Variants in MACROD2 observed in about 807,000 individuals in gnomAD.
MACROD2 encodes the protein ADP-ribose glycohydrolase MACROD2.
A neutral mutation model predicts 70.4 loss-of-function variants in MACROD2; 36 were observed. That is an observed-to-expected ratio of 0.51 (90% CI 0.39 to 0.68). The LOEUF (loss-of-function observed/expected upper bound fraction) is 0.68. Among genes scored for constraint, MACROD2 ranks in the 30% least tolerant of loss-of-function variants. The pLI is 0.00. For synonymous variants in MACROD2, 172 were observed against 178.8 expected (o/e 0.96, Z 0.30); for missense variants, 496 against 538.4 (o/e 0.92, Z 0.78).
chr20:14,409,330 A>G (rs2083724665), intron 3 of MACROD2, among the ~76,000 whole-genome samples: 1 of 151,842 alleles, frequency 6.6e-6, no homozygotes, highest in Non-Finnish European at 1.5e-5. Flanking sequence ...GTACTTCTCA[A>G]TGCTCAGTAA....
At chr20:14,677,933 G>T (rs1456794960) in intron 4 of MACROD2, among the ~76,000 whole-genome samples, 3 of 152,256 alleles carry the variant, frequency 2.0e-5, no homozygotes, top group African/African-American at 7.2e-5. Flanking sequence ...CAGTGATCCA[G>T]TGGAACAAAA....
intron 5 of MACROD2, among the ~76,000 whole-genome samples, chr20:15,035,882 CT>C (rs1015037029): frequency 6.6e-6 from 1 of 151,406 alleles, no homozygotes; most frequent in African/African-American, 2.4e-5. Flanking sequence ...CCTGCTCCCC[CT>C]TTTTTTTTCC....
At chr20:15,936,903 C>G (rs1972407570) in intron 11 of MACROD2, among the ~76,000 whole-genome samples, 2 of 151,984 alleles carry the variant, frequency 1.3e-5, no homozygotes, top group African/African-American at 4.8e-5. Flanking sequence ...AGTTCCATGT[C>G]CTTAGTCCCC....
chr20:14,762,249 C>T (rs2072025306), intron 5 of MACROD2, among the ~76,000 whole-genome samples: 1 of 152,072 alleles, frequency 6.6e-6, no homozygotes, highest in Non-Finnish European at 1.5e-5. Context: ...CGTCATGTAG[C>T]ATATTAGGGA....
At chr20:15,346,490 G>A (rs1401116617) in intron 6 of MACROD2, among the ~76,000 whole-genome samples, 2 of 152,120 alleles carry the variant, frequency 1.3e-5, no homozygotes, top group African/African-American at 2.4e-5. Flanking sequence ...ACATATTGTT[G>A]AGTCCAGTGA....
intron 7 of MACROD2, among the ~76,000 whole-genome samples, chr20:15,451,055 T>C (rs961763730): frequency 7.2e-5 from 11 of 152,142 alleles, no homozygotes; most frequent in African/African-American, 2.7e-4. Flanking sequence ...AGGTCGTATC[T>C]TCTAGGAGGG....
chr20:14,518,328 A>G (rs1228112804), intron 4 of MACROD2, among the ~76,000 whole-genome samples: 2 of 152,172 alleles, frequency 1.3e-5, no homozygotes, highest in Non-Finnish European at 2.9e-5. Context: ...TAAATTGGAA[A>G]CAAAGACTGT....
chr20:14,672,899 A>G (rs2070811813), intron 4 of MACROD2, among the ~76,000 whole-genome samples: 1 of 152,200 alleles, frequency 6.6e-6, no homozygotes, highest in Non-Finnish European at 1.5e-5. Flanking sequence ...ATAAACTTGA[A>G]CTTCATTCTT....
chr20:15,766,936 C>T (rs2051537419), intron 8 of MACROD2, among the ~76,000 whole-genome samples: 1 of 152,148 alleles, frequency 6.6e-6, no homozygotes, highest in African/African-American at 2.4e-5. Flanking sequence ...GGGCGAGCCC[C>T]CTTGCACAAC....
chr20:15,067,734 A>T (rs1334542502), intron 5 of MACROD2, among the ~76,000 whole-genome samples: 1 of 152,134 alleles, frequency 6.6e-6, no homozygotes, highest in Non-Finnish European at 1.5e-5. Context: ...ATGTAGATAT[A>T]TTGATTTATC....
intron 5 of MACROD2, among the ~76,000 whole-genome samples, chr20:15,133,723 G>C (rs757561008): frequency 2.0e-5 from 3 of 151,918 alleles, no homozygotes; most frequent in Non-Finnish European, 4.4e-5. Context: ...GTTCATTCCA[G>C]CTTTATTTAT....
chr20:15,266,897 C>T lies in MACROD2; in HGVS notation c.540+36836C>T, dbSNP rs1035943719. On this transcript the variant is annotated intron_variant, in intron 6 of 17. Transcript: ENST00000684519. ...GCAAGACATTCATCCAGACGCCCTT[C>T]GCACAAGCCTGTATTCTAGAGGGCA... 5.9e-5 allele frequency among the ~76,000 whole-genome samples: 9 copies of T among 152,334 alleles called. No homozygotes were observed. In the South Asian group the frequency reaches 6.2e-4, roughly 11 times the overall value.
chr20:15,526,876 G>A (rs568130193), intron 8 of MACROD2, among the ~76,000 whole-genome samples: 3 of 152,242 alleles, frequency 2.0e-5, no homozygotes, highest in South Asian at 2.1e-4. Flanking sequence ...GTCAATGAAA[G>A]ATGTGCAGTC....
At position 15,256,735 on chromosome 20, in the gene MACROD2, C is replaced by T. The variant is rs1183496937; in HGVS notation, c.540+26674C>T. The stretch of plus-strand genomic sequence containing the variant: ...AACAAAGTTTCTGAAGTCTCATTAA[C>T]CACGGAATTTTTAGTGAAATGGCAT... On this transcript the variant is annotated intron_variant, in intron 6 of 17. Transcript: ENST00000684519. Among the ~76,000 whole-genome samples the T allele has an allele frequency of 2.6e-5, 4 of 151,920 alleles. 1 individual carries two copies. Among genetic ancestry groups the T allele is most frequent in the Admixed American group, 2.6e-4 (4 of 15,244 alleles).
intron 10 of MACROD2, among the ~76,000 whole-genome samples, chr20:15,931,919 C>A (rs1429112848): frequency 1.3e-5 from 2 of 152,122 alleles, no homozygotes; most frequent in African/African-American, 4.8e-5. Context: ...TTTGTTTCAG[C>A]TCTGCTACTA....
intron 5 of MACROD2, among the ~76,000 whole-genome samples, chr20:15,075,784 C>T (rs2075652687): frequency 6.6e-6 from 1 of 152,038 alleles, no homozygotes; most frequent in Admixed American, 6.6e-5. Flanking sequence ...GGCTTAGACT[C>T]GTCATGGCAG....
intron 4 of MACROD2, among the ~76,000 whole-genome samples, chr20:14,562,397 A>G (rs1979494528): frequency 2.0e-5 from 3 of 152,060 alleles, no homozygotes; most frequent in Non-Finnish European, 4.4e-5. Flanking sequence ...ACATTATCTT[A>G]AGTTGGTATA....
At chr20:15,552,281 T>C (rs999641849) in intron 8 of MACROD2, 23 of 152,230 alleles carry the variant, frequency 1.5e-4, no homozygotes, top group African/African-American at 5.3e-4. Flanking sequence ...TTTAGTTTTC[T>C]TGACCATTCT....
intron 3 of MACROD2, among the ~76,000 whole-genome samples, chr20:14,263,972 A>AACAC (rs71190124): frequency 9.4e-4 from 119 of 127,186 alleles, no homozygotes; most frequent in Middle Eastern, 8.0e-3. Flanking sequence ...ACCCTATCTA[A>AACAC]ACACACACAC....
Sources: gnomAD v4.1 joint callset for allele counts (sites outside exome capture counted in the v4.1 genomes callset) on GRCh38, gnomAD v4.1.1 for gene constraint, MANE v1.5 for transcripts, NCBI Gene and HGNC (gene_info 2026-07-23, HGNC 2026-07-21) for gene names.